The following KALRN variants were observed in gnomAD, a reference collection of about 807,000 sequenced individuals.
KALRN encodes the protein kalirin RhoGEF kinase, also known as kalirin.
A neutral mutation model predicts 353.7 loss-of-function variants in KALRN; 70 were observed. The ratio of observed to expected loss-of-function variants is 0.20; its 90% confidence interval spans 0.16 to 0.24. KALRN has a LOEUF of 0.24. KALRN is among the 10% of genes least tolerant of loss of function. KALRN has a pLI of 1.00. For missense variants in KALRN, 2,791 were observed against 3,756.7 expected, an observed-to-expected ratio of 0.74 and a Z score of 6.72; for synonymous variants, 1,391 against 1,434.8, an observed-to-expected ratio of 0.97 and a Z score of 0.69.
At chr3:124,367,154 A>C (rs1308440592) in intron 10 of KALRN, among the ~76,000 whole-genome samples, 4 of 35,680 alleles carry the variant, frequency 1.1e-4, no homozygotes, top group Admixed American at 2.7e-4. Context: ...GGCGCCCCTC[A>C]CCTCCCGGAC....
intron 58 of KALRN, among the ~76,000 whole-genome samples, chr3:124,715,015 C>CAA (rs57167927): frequency 5.5e-5 from 7 of 126,730 alleles, no homozygotes; most frequent in Non-Finnish European, 6.8e-5. Context: ...GACTCCATCT[C>CAA]AAAAAAAAAA....
intron 38 of KALRN, among the ~76,000 whole-genome samples, chr3:124,654,101 C>T (rs999719165): frequency 7.9e-5 from 12 of 152,202 alleles, no homozygotes; most frequent in Admixed American, 2.0e-4. Context: ...GAGGGCCCTC[C>T]CAGCCCCATA....
chr3:124,181,179 C>T (rs113782151), intron 1 of KALRN, among the ~76,000 whole-genome samples: 21 of 150,936 alleles, frequency 1.4e-4, no homozygotes, highest in African/African-American at 3.2e-4. Flanking sequence ...TGAACCTGGG[C>T]GACAGAGATT....
Position 124,725,576 on chromosome 3 carries a change from GAAA to G in KALRN, c.*6108_*6110del, listed in dbSNP as rs2063409114. 6.6e-6 allele frequency: 1 copy of G among 152,126 alleles called. No homozygotes were observed. Among genetic ancestry groups the G allele is most frequent in the Non-Finnish European group, 1.5e-5 (1 of 68,020 alleles). The allele number at this position is 152,126 out of a possible 1,614,324, so 9.4% of individuals were successfully genotyped here. A position where few individuals can be genotyped will look rare whatever the true frequency, so the allele number is the denominator to read the frequency against. On this transcript the variant is annotated 3_prime_UTR_variant, in exon 60 of 60. Transcript: ENST00000682506. ...CCCAGGTGGGTCAATGTTTCTAATG[GAAA>G]ACCATTTAGGGCCATTCAAAACCAT... is the stretch of plus-strand genomic sequence containing the variant.
chr3:124,039,401 T>C (rs1239986027), intron 1 of KALRN, among the ~76,000 whole-genome samples: 1 of 152,188 alleles, frequency 6.6e-6, no homozygotes, highest in Non-Finnish European at 1.5e-5. Context: ...TCTCCCCCAT[T>C]GAAGTTATTT....
intron 1 of KALRN, among the ~76,000 whole-genome samples, chr3:124,136,805 G>A (rs1466487123): frequency 6.6e-6 from 1 of 152,216 alleles, no homozygotes; most frequent in Non-Finnish European, 1.5e-5. Context: ...AGATGGTCAT[G>A]GATGTGCATG....
intron 6 of KALRN, among the ~76,000 whole-genome samples, chr3:124,301,519 G>A (rs1021013645): frequency 5.3e-5 from 8 of 152,068 alleles, no homozygotes; most frequent in Non-Finnish European, 1.0e-4. Context: ...GAAATCCCAG[G>A]GTTTTTGGAT....
intron 1 of KALRN, among the ~76,000 whole-genome samples, chr3:124,041,447 A>G (rs1322986440): frequency 2.6e-5 from 4 of 152,172 alleles, no homozygotes; most frequent in Non-Finnish European, 4.4e-5. Context: ...GTATTATCTG[A>G]TTTAATCTGA....
chr3:124,322,986 T>C (rs1000304333), intron 6 of KALRN, among the ~76,000 whole-genome samples: 4 of 152,202 alleles, frequency 2.6e-5, no homozygotes, highest in Non-Finnish European at 5.9e-5. Flanking sequence ...TAAGTCAACA[T>C]TGTATTTATC....
chr3:124,479,407 G>A (rs2061738549), intron 27 of KALRN, among the ~76,000 whole-genome samples: 1 of 152,138 alleles, frequency 6.6e-6, no homozygotes, highest in Non-Finnish European at 1.5e-5. Context: ...CTTTCCAAAA[G>A]GCATAATCTT....
intron 1 of KALRN, among the ~76,000 whole-genome samples, chr3:124,197,243 T>C (rs1353354699): frequency 6.6e-6 from 1 of 152,234 alleles, no homozygotes; most frequent in African/African-American, 2.4e-5. Flanking sequence ...ACTTTGTCTC[T>C]GTATTCTATA....
intron 1 of KALRN, among the ~76,000 whole-genome samples, chr3:124,181,090 A>AG: frequency 6.7e-6 from 1 of 149,870 alleles, no homozygotes; most frequent in East Asian, 2.0e-4. Flanking sequence ...AAAAAAAAAA[A>AG]AAAAAAAAAA....
chr3:124,273,051 T>G lies in KALRN; in HGVS notation c.969+3796T>G, dbSNP rs370339691. Reference sequence around the variant, plus strand: ...GAGTCTGGTGATAGTTCAGCCTCTATTTTTGTAAAAGAGGTGGGCGCAGTC... The same window carrying G: ...GAGTCTGGTGATAGTTCAGCCTCTAGTTTTGTAAAAGAGGTGGGCGCAGTC... On this transcript the variant is annotated intron_variant, in intron 5 of 59. Transcript: ENST00000682506. Among the ~76,000 whole-genome samples, 17 of 152,360 alleles carry G rather than the reference T, an allele frequency of 1.1e-4. No homozygotes were observed. In the East Asian group the frequency reaches 1.9e-3, roughly 17 times the overall value.
At chr3:124,161,468 C>A (rs1039130673) in intron 1 of KALRN, among the ~76,000 whole-genome samples, 2 of 152,204 alleles carry the variant, frequency 1.3e-5, no homozygotes, top group African/African-American at 4.8e-5. Context: ...TCCCCCTCTA[C>A]CCCTGCCTTC....
rs369574031 is a variant in KALRN at position 124,496,375 on chromosome 3, G to A, written c.4897G>A (p.Ala1633Thr). ...CAGCCAACCAGACACCATCTCCATT[G>A]CTTCTAGGACCTCTCAGAACACAGT... is the stretch of plus-strand genomic sequence containing the variant. ...GSSQPDTISI[A>T]SRTSQNTVDS... Residue 1633 changes from alanine to threonine, a missense_variant, in exon 33 of 60, where the codon GCT becomes ACT. Physicochemically the swap from Ala to Thr is moderately conservative, Grantham distance 58 (BLOSUM62 0). Around this residue, in one of 11 missense-constraint regions of KALRN, gnomAD observed 239 missense variants for 351.3 expected, o/e 0.68. Transcript: ENST00000682506. 9 of 1,612,874 alleles carry A rather than the reference G, an allele frequency of 5.6e-6. No homozygotes were observed. Among genetic ancestry groups the A allele is most frequent in the Non-Finnish European group, 7.6e-6 (9 of 1,179,542 alleles).
In KALRN at chr3:124,254,410, G is replaced by A. The variant is rs527530828; in HGVS notation, c.264-10088G>A. ...GTTTCTTCAAGATCAAGTGTTCTATGCATCTATGAAGCAAAAAAAAAAAAA... is the reference window on the plus strand; with the variant it reads ...GTTTCTTCAAGATCAAGTGTTCTATACATCTATGAAGCAAAAAAAAAAAAA... On this transcript the variant is annotated intron_variant, in intron 3 of 59. Transcript: ENST00000682506. Among the ~76,000 whole-genome samples, 15 of 123,002 alleles carry A rather than the reference G, an allele frequency of 1.2e-4. No homozygotes were observed. The South Asian group carries it at 4.2e-3, about 34-fold the overall frequency. The allele number at this position is 123,002 out of a possible 152,430, so 80.7% of individuals were successfully genotyped here.
chr3:124,574,507 C>G (rs2073885177), intron 34 of KALRN, among the ~76,000 whole-genome samples: 1 of 81,808 alleles, frequency 1.2e-5, no homozygotes, highest in Non-Finnish European at 2.2e-5. Context: ...TGAATATGCT[C>G]TTTGGAGCCA....
At chr3:124,522,740 A>G (rs2067268252) in intron 33 of KALRN, among the ~76,000 whole-genome samples, 1 of 152,244 alleles carries the variant, frequency 6.6e-6, no homozygotes, top group Non-Finnish European at 1.5e-5. Context: ...TCTGAGAACC[A>G]CTAAATTAAG....
intron 34 of KALRN, among the ~76,000 whole-genome samples, chr3:124,588,187 A>G (rs560034418): frequency 1.5e-4 from 23 of 152,282 alleles, no homozygotes; most frequent in African/African-American, 5.5e-4. Flanking sequence ...AAACAACCAA[A>G]AGTGAGATAA....
Sources: allele counts gnomAD v4.1 joint callset (sites outside exome capture counted in the v4.1 genomes callset), GRCh38; gene constraint gnomAD v4.1.1; regional missense constraint gnomAD v4.1.1; transcripts MANE v1.5; gene names NCBI Gene and HGNC (gene_info 2026-07-23, HGNC 2026-07-21).